IL1RAPL1: variants seen among roughly 807,000 people sequenced by gnomAD.
IL1RAPL1 encodes interleukin-1 receptor accessory protein-like 1.
IL1RAPL1 carries 3 observed loss-of-function variants against 48.4 expected under a neutral mutation model. The observed-to-expected ratio is 0.06, with a 90% CI of 0.03 to 0.16. The LOEUF (loss-of-function observed/expected upper bound fraction) is 0.16, where lower values mean the gene tolerates loss of function less well. IL1RAPL1 is among the 10% of genes least tolerant of loss of function. The pLI, the probability that IL1RAPL1 is intolerant of heterozygous loss-of-function variation, is 1.00. For synonymous variants in IL1RAPL1, 185 were observed against 187.7 expected (o/e 0.99, Z 0.12); for missense variants, 349 against 530.6 (o/e 0.66, Z 3.36).
At chrX:28,638,454 C>G (rs1261549698) in intron 1 of IL1RAPL1, among the ~76,000 whole-genome samples, 4 of 110,509 alleles carry the variant, frequency 3.6e-5, no homozygotes, top group Non-Finnish European at 1.9e-5. Flanking sequence ...CTCGATCTTC[C>G]CACATTACTT....
At chrX:29,031,357 A>G (rs1265896057) in intron 2 of IL1RAPL1, among the ~76,000 whole-genome samples, 11 of 111,961 alleles carry the variant, frequency 9.8e-5, no homozygotes, top group Admixed American at 1.9e-4. Context: ...TAACAGGCCT[A>G]TGGCACTGTG....
rs952762715 is a variant in IL1RAPL1 at position 29,683,722 on chromosome X, T to A, written c.778+15218T>A. ...TCCTGTAATATTTAAAATGGTCTATTCTTACAGACTACTTGAGTTCTGTTT... is the reference window on the plus strand; with the variant it reads ...TCCTGTAATATTTAAAATGGTCTATACTTACAGACTACTTGAGTTCTGTTT... On this transcript the variant is annotated intron_variant, in intron 6 of 10. Transcript: ENST00000378993. Among the ~76,000 whole-genome samples the A allele has an allele frequency of 1.6e-4, 18 of 112,342 alleles. No individual in the cohort carries two copies. The Admixed American group carries it at 1.7e-3, about 11-fold the overall frequency.
At chrX:29,399,731 A>T (rs1473062461) in intron 5 of IL1RAPL1, among the ~76,000 whole-genome samples, 2 of 110,157 alleles carry the variant, frequency 1.8e-5, no homozygotes, top group African/African-American at 6.6e-5. Flanking sequence ...AGGCAGGAGA[A>T]TCACTCGAAC....
Position 29,296,521 on chromosome X carries a change from C to CT in IL1RAPL1, c.362+13317dup, listed in dbSNP as rs142798467. ...GTAATGCATATTCTTGGACAACCTT[C>CT]TTTTTTTTTTTTTAATTTCCACAGC... On this transcript the variant is annotated intron_variant, in intron 3 of 10. Coordinates refer to ENST00000378993, the MANE Select transcript of IL1RAPL1 (RefSeq NM_014271.4). Among the ~76,000 whole-genome samples, 557 of 101,757 alleles carry CT rather than the reference C, an allele frequency of 5.5e-3. 2 individuals are homozygous for CT. Among genetic ancestry groups the CT allele is most frequent in the African/African-American group, 0.018 (504 of 28,032 alleles). The allele number at this position is 101,757 out of a possible 115,157, so 88.4% of individuals were successfully genotyped here.
At chrX:29,422,433 C>T (rs1256754621) in intron 5 of IL1RAPL1, among the ~76,000 whole-genome samples, 3 of 111,065 alleles carry the variant, frequency 2.7e-5, no homozygotes, top group Non-Finnish European at 3.8e-5. Context: ...TCATAGGCTA[C>T]AGAACCCTAC....
intron 5 of IL1RAPL1, among the ~76,000 whole-genome samples, chrX:29,449,582 A>C (rs1043027930): frequency 9.0e-6 from 1 of 110,678 alleles, no homozygotes; most frequent in African/African-American, 3.3e-5. Flanking sequence ...AGTATATCTC[A>C]ATAGTAAAAA....
At chrX:29,718,087 G>A (rs1927531022) in intron 6 of IL1RAPL1, among the ~76,000 whole-genome samples, 1 of 111,715 alleles carries the variant, frequency 9.0e-6, no homozygotes, top group African/African-American at 3.3e-5. Context: ...AGGTATGGAC[G>A]AATGTATTGT....
At chrX:28,855,658 A>G (rs1921786191) in intron 2 of IL1RAPL1, among the ~76,000 whole-genome samples, 1 of 111,106 alleles carries the variant, frequency 9.0e-6, no homozygotes, top group Admixed American at 9.6e-5. Context: ...AGTCATTTCT[A>G]GTTGTTTCTA....
At chrX:28,834,563 A>G (rs1251124186) in intron 2 of IL1RAPL1, among the ~76,000 whole-genome samples, 2 of 111,337 alleles carry the variant, frequency 1.8e-5, no homozygotes, top group East Asian at 5.6e-4. Context: ...TAATATGCTT[A>G]CAAAAATGAT....
intron 6 of IL1RAPL1, among the ~76,000 whole-genome samples, chrX:29,842,410 A>G (rs1299055294): frequency 2.7e-5 from 3 of 111,868 alleles, no homozygotes; most frequent in Non-Finnish European, 5.6e-5. Context: ...ATTTCAAGAA[A>G]GGGCTCGGAT....
intron 1 of IL1RAPL1, among the ~76,000 whole-genome samples, chrX:28,781,120 A>G (rs764330943): frequency 9.1e-6 from 1 of 110,240 alleles, no homozygotes; most frequent in Non-Finnish European, 1.9e-5. Context: ...GAAACTATAC[A>G]AATATATTAT....
At chrX:29,527,680 A>G (rs1303799601) in intron 5 of IL1RAPL1, among the ~76,000 whole-genome samples, 1 of 111,348 alleles carries the variant, frequency 9.0e-6, no homozygotes, top group Non-Finnish European at 1.9e-5. Flanking sequence ...AAAAAGATTA[A>G]TACATTTTAC....
At chrX:28,682,401 C>T (rs1202073840) in intron 1 of IL1RAPL1, among the ~76,000 whole-genome samples, 4 of 110,857 alleles carry the variant, frequency 3.6e-5, no homozygotes, top group South Asian at 7.7e-4. Flanking sequence ...CTCCACCTCC[C>T]GGGTTCAAGC....
chrX:29,867,142 G>A (rs1931710846), intron 6 of IL1RAPL1, among the ~76,000 whole-genome samples: 1 of 108,158 alleles, frequency 9.2e-6, no homozygotes, highest in Non-Finnish European at 1.9e-5. Context: ...ATATATATTG[G>A]TAAAAAAAAA....
intron 3 of IL1RAPL1, among the ~76,000 whole-genome samples, chrX:29,343,993 A>G (rs1322331381): frequency 8.9e-6 from 1 of 112,525 alleles, no homozygotes; most frequent in Non-Finnish European, 1.9e-5. Context: ...GATGCCAAGT[A>G]CAGTATGAAA....
At position 29,901,521 on chromosome X, in the gene IL1RAPL1, A is replaced by C. The variant is rs1234138902; in HGVS notation, c.779-15943A>C. 5.4e-5 allele frequency among the ~76,000 whole-genome samples: 6 copies of C among 111,817 alleles called. No individual in the cohort carries two copies. In the Admixed American group the frequency reaches 5.7e-4, roughly 11 times the overall value. ...GGGGTATTTCACTTTCACCACCACT[A>C]ATATTCTTTACTTTCCTCCTCCTTT... On this transcript the variant is annotated intron_variant, in intron 6 of 10. Coordinates refer to ENST00000378993, the MANE Select transcript of IL1RAPL1 (RefSeq NM_014271.4).
intron 5 of IL1RAPL1, among the ~76,000 whole-genome samples, chrX:29,566,209 G>A (rs1025361247): frequency 1.3e-4 from 14 of 111,780 alleles, no homozygotes; most frequent in African/African-American, 4.2e-4. Flanking sequence ...AAAGTGCTGG[G>A]ATTACAGGTG....
chrX:28,721,720 G>A (rs1189729174), intron 1 of IL1RAPL1, among the ~76,000 whole-genome samples: 4 of 110,984 alleles, frequency 3.6e-5, no homozygotes, highest in African/African-American at 6.6e-5. Flanking sequence ...GGGTTTTTAT[G>A]GTTTTAGGTC....
At chrX:28,685,658 G>GT (rs2146922279) in intron 1 of IL1RAPL1, among the ~76,000 whole-genome samples, 1 of 111,546 alleles carries the variant, frequency 9.0e-6, no homozygotes, top group East Asian at 2.8e-4. Context: ...GCAGCATTTT[G>GT]TTTTTTCTCT....
Sources: allele counts gnomAD v4.1 joint callset (sites outside exome capture counted in the v4.1 genomes callset), GRCh38; gene constraint gnomAD v4.1.1; transcripts MANE v1.5; gene names NCBI Gene and HGNC (gene_info 2026-07-23, HGNC 2026-07-21).